Variants in MDFIC observed in about 807,000 individuals in gnomAD.
The protein encoded by MDFIC is MyoD family inhibitor domain containing, also known as myoD family inhibitor domain-containing protein.
A neutral mutation model predicts 23.2 loss-of-function variants in MDFIC; 17 were observed. The ratio of observed to expected loss-of-function variants is 0.73; its 90% CI spans 0.50 to 1.10. MDFIC has a LOEUF of 1.10. Among genes scored for constraint, MDFIC ranks in the 50% least tolerant of loss-of-function variants. The pLI is 0.00. For synonymous variants in MDFIC, 120 were observed against 115.2 expected (o/e 1.04, Z -0.27); for missense variants, 356 against 316.6 (o/e 1.12, Z -0.95).
At chr7:115,008,055 T>C (rs922366979) in intron 4 of MDFIC, among the ~76,000 whole-genome samples, 1 of 151,948 alleles carries the variant, frequency 6.6e-6, no homozygotes, top group Non-Finnish European at 1.5e-5. Flanking sequence ...TGACCAGTGC[T>C]AGAGTTAAGG....
At chr7:115,014,261 T>G in intron 4 of MDFIC, 1 of 985,304 alleles carries the variant, frequency 1.0e-6, no homozygotes. Context: ...GCCTGCAGAG[T>G]TAAGAGACTG....
chr7:114,945,664 C>A (rs1792629991), intron 3 of MDFIC, among the ~76,000 whole-genome samples: 1 of 152,132 alleles, frequency 6.6e-6, no homozygotes, highest in African/African-American at 2.4e-5. Context: ...ACAATCTGGT[C>A]AGAGAACGCA....
intron 4 of MDFIC, among the ~76,000 whole-genome samples, chr7:114,994,447 A>G (rs1023899634): frequency 1.3e-5 from 2 of 152,114 alleles, no homozygotes; most frequent in Non-Finnish European, 2.9e-5. Flanking sequence ...CCTACCATCA[A>G]TGGTCTTTAC....
chr7:114,951,690 A>T (rs749920758), intron 3 of MDFIC, among the ~76,000 whole-genome samples: 7 of 152,024 alleles, frequency 4.6e-5, no homozygotes, highest in Non-Finnish European at 8.8e-5. Flanking sequence ...GAATTATTTT[A>T]TTAAATTAAA....
intron 4 of MDFIC, among the ~76,000 whole-genome samples, chr7:115,013,116 A>C (rs904438852): frequency 6.6e-6 from 1 of 152,226 alleles, no homozygotes; most frequent in African/African-American, 2.4e-5. Flanking sequence ...CAGGATGTTG[A>C]GCCGAAGATG....
chr7:114,928,027 G>A (rs1377816206), intron 2 of MDFIC, among the ~76,000 whole-genome samples: 1 of 152,164 alleles, frequency 6.6e-6, no homozygotes, highest in African/African-American at 2.4e-5. Flanking sequence ...TTTGAAAGAG[G>A]ATTTGGGAAC....
At chr7:114,934,335 T>C (rs1266145843) in intron 2 of MDFIC, among the ~76,000 whole-genome samples, 1 of 152,218 alleles carries the variant, frequency 6.6e-6, no homozygotes, top group Admixed American at 6.5e-5. Context: ...ACTTATTTTC[T>C]TAAGTGGAAG....
chr7:114,967,519 G>A (rs1382733396), intron 3 of MDFIC, among the ~76,000 whole-genome samples: 1 of 152,086 alleles, frequency 6.6e-6, no homozygotes, highest in Non-Finnish European at 1.5e-5. Context: ...ATGATATAAA[G>A]CTGTGAAATC....
intron 2 of MDFIC, among the ~76,000 whole-genome samples, chr7:114,934,692 C>T (rs73719538): frequency 0.035 from 5,337 of 152,186 alleles, 293 homozygotes; most frequent in African/African-American, 0.12. Flanking sequence ...AATTAAATTA[C>T]GTTGATTTTA....
At chr7:114,923,602 G>A (rs532179584) in intron 2 of MDFIC, 2 of 1,484,726 alleles carry the variant, frequency 1.3e-6, no homozygotes, top group African/African-American at 2.8e-5. Flanking sequence ...AATGGCTTAT[G>A]CTTGTTTTCA....
At chr7:115,003,227 A>T (rs972954413) in intron 4 of MDFIC, among the ~76,000 whole-genome samples, 41 of 151,832 alleles carry the variant, frequency 2.7e-4, no homozygotes, top group African/African-American at 9.9e-4. Flanking sequence ...ATCCCTTGTC[A>T]CTGAGTACAT....
intron 3 of MDFIC, among the ~76,000 whole-genome samples, chr7:114,972,215 G>A (rs990134623): frequency 6.6e-6 from 1 of 152,004 alleles, no homozygotes; most frequent in Non-Finnish European, 1.5e-5. Context: ...TTCAAACCCC[G>A]GTTTGTCTTG....
chr7:114,951,764 C>T (rs1299145231), intron 3 of MDFIC, among the ~76,000 whole-genome samples: 2 of 152,036 alleles, frequency 1.3e-5, no homozygotes, highest in Non-Finnish European at 2.9e-5. Context: ...GGGGTACCAC[C>T]TCTTTAAAGT....
intron 4 of MDFIC, among the ~76,000 whole-genome samples, chr7:115,011,016 C>T (rs1469063755): frequency 6.6e-6 from 1 of 152,076 alleles, no homozygotes; most frequent in Non-Finnish European, 1.5e-5. Flanking sequence ...GATAGATGAA[C>T]AAAACAAATC....
intron 3 of MDFIC, among the ~76,000 whole-genome samples, chr7:114,965,459 G>A (rs2115885821): frequency 6.6e-6 from 1 of 152,290 alleles, no homozygotes. Flanking sequence ...AGAAAATCTG[G>A]ACTCCCAGAG....
At chr7:114,931,473 C>G (rs898955399) in intron 2 of MDFIC, among the ~76,000 whole-genome samples, 1 of 152,086 alleles carries the variant, frequency 6.6e-6, no homozygotes, top group East Asian at 1.9e-4. Flanking sequence ...GGGGAAAACC[C>G]TGCCCACAAA....
In MDFIC at chr7:115,015,805, G is replaced by A; in HGVS notation, c.611G>A (p.Cys204Tyr). Reference sequence around the variant, plus strand: ...ACCTCAGAAGCCTGCTGCTGTTGCTGTGGTGACGAGATGGGGGATGATTGT... The same window carrying A: ...ACCTCAGAAGCCTGCTGCTGTTGCTATGGTGACGAGATGGGGGATGATTGT... ...ICTSEACCCC[C>Y]GDEMGDDCNC... Residue 204 changes from cysteine to tyrosine, a missense_variant, in exon 5 of 5, where the codon TGT (cysteine) becomes TAT (tyrosine). Coordinates refer to ENST00000393486, the MANE Select transcript of MDFIC (RefSeq NM_001166345.3). The A allele has an allele frequency of 6.2e-7, 1 of 1,614,220 alleles. No homozygotes were observed. Among genetic ancestry groups the A allele is most frequent in the South Asian group, 1.1e-5 (1 of 91,082 alleles).
chr7:114,967,836 T>C (rs1213352822), intron 3 of MDFIC, among the ~76,000 whole-genome samples: 69 of 150,662 alleles, frequency 4.6e-4, no homozygotes, highest in Admixed American at 1.4e-3. Flanking sequence ...TTTTCTTTTT[T>C]TTTTTTTTTT....
At chr7:114,928,005 AG>A (rs1792228296) in intron 2 of MDFIC, among the ~76,000 whole-genome samples, 1 of 152,182 alleles carries the variant, frequency 6.6e-6, no homozygotes, top group African/African-American at 2.4e-5. Flanking sequence ...AAAATATAGA[AG>A]GGCATGTAGA....
Sources: gnomAD v4.1 joint callset for allele counts (sites outside exome capture counted in the v4.1 genomes callset) on GRCh38, gnomAD v4.1.1 for gene constraint, MANE v1.5 for transcripts, NCBI Gene and HGNC (gene_info 2026-07-23, HGNC 2026-07-21) for gene names.